SF3B3: variants seen among roughly 807,000 people sequenced by gnomAD.
SF3B3 encodes the protein SAP 130.
Under a neutral mutation model 139.2 loss-of-function variants are expected in SF3B3, and 33 were observed. The observed-to-expected ratio is 0.24, with a 90% confidence interval of 0.18 to 0.32. The LOEUF is 0.32. SF3B3 is among the 10% of genes least tolerant of loss of function. The probability of loss-of-function intolerance (pLI) is 1.00; values close to 1 mark genes in which losing one functional copy is unlikely to be tolerated. For missense variants in SF3B3, 818 were observed against 1,509.4 expected, an observed-to-expected ratio of 0.54 and a Z score of 7.59; for synonymous variants, 596 against 563.6, an observed-to-expected ratio of 1.06 and a Z score of -0.81.
chr16:70,559,924 G>C (rs563786762), intron 15 of SF3B3, among the ~76,000 whole-genome samples: 1 of 151,924 alleles, frequency 6.6e-6, no homozygotes, highest in Admixed American at 6.6e-5. Flanking sequence ...AGGGGTGCGG[G>C]GGGGTGGTAA....
At chr16:70,553,283 C>T (rs1433075323) in intron 11 of SF3B3, among the ~76,000 whole-genome samples, 1 of 152,064 alleles carries the variant, frequency 6.6e-6, no homozygotes, top group Non-Finnish European at 1.5e-5. Flanking sequence ...CAGAACTGAT[C>T]TAGTAACCTT....
At chr16:70,567,567 A>T in intron 21 of SF3B3, 31 bp downstream of exon 21, 1 of 1,603,922 alleles carries the variant, frequency 6.2e-7, no homozygotes, top group Admixed American at 1.7e-5. Flanking sequence ...GCTGAGATCT[A>T]GCTCATGTGT....
intron 11 of SF3B3, 151 bp downstream of exon 11, chr16:70,548,593 C>G: frequency 3.1e-6 from 2 of 635,824 alleles, no homozygotes; most frequent in Non-Finnish European, 5.5e-6. Context: ...TGAGGCTCTT[C>G]CGTTCAGGAT....
At chr16:70,562,305 G>A (rs6499321) in intron 17 of SF3B3, among the ~76,000 whole-genome samples, 72,701 of 151,972 alleles carry the variant, frequency 0.48, 17,850 homozygotes, top group South Asian at 0.66. Context: ...GGCTTCCTCA[G>A]GTTTTGGGGG....
intron 5 of SF3B3, among the ~76,000 whole-genome samples, chr16:70,534,913 C>T (rs573166693): frequency 6.6e-6 from 1 of 152,138 alleles, no homozygotes; most frequent in Non-Finnish European, 1.5e-5. Flanking sequence ...AGGTGATCTG[C>T]CTTTGGTCTC....
chr16:70,534,263 A>G (rs1229843927), intron 5 of SF3B3, among the ~76,000 whole-genome samples: 2 of 152,196 alleles, frequency 1.3e-5, no homozygotes, highest in Non-Finnish European at 1.5e-5. Flanking sequence ...AAGAAATAAC[A>G]TGGTCCATTC....
chr16:70,541,557 TAAC>T (rs1449310743), intron 8 of SF3B3, 109 bp from the exon 9 acceptor site: 16 of 838,200 alleles, frequency 1.9e-5, no homozygotes, highest in Non-Finnish European at 3.0e-5. Flanking sequence ...CTAAAAATAA[TAAC>T]AATAGTATCT....
In SF3B3 at chr16:70,532,246, C is replaced by T. The variant is rs139951565; in HGVS notation, c.571-233C>T. Among the ~76,000 whole-genome samples, 899 of 150,444 alleles carry T rather than the reference C, an allele frequency of 6.0e-3. 8 individuals are homozygous for T. The highest frequency in any genetic ancestry group is 0.021 in the African/African-American group (839 of 40,660). ...GGTGGAGGTTGTGGTGAGCTGAGAT[C>T]GTGCCATTGCACTCCAGCCTGGGCA... On this transcript the variant is annotated intron_variant, in intron 4 of 25. Coordinates refer to ENST00000302516, the MANE Select transcript of SF3B3 (RefSeq NM_012426.5).
In SF3B3 at chr16:70,544,495, C is replaced by T. The variant is rs1275165584; in HGVS notation, c.1291C>T (p.Pro431Ser). 1.9e-6 allele frequency: 3 copies of T among 1,611,854 alleles called. No individual in the cohort carries two copies. The highest frequency in any genetic ancestry group is 2.2e-5 in the East Asian group (1 of 44,890). ...GTTGTATGTGGCCTGTGGTAGGGGA[C>T]CCCGATCATCTCTGAGAGTCCTAAG... ...PQLYVACGRG[P>S]RSSLRVLRHG... The change falls in exon 10 of 26, where the codon CCC becomes TCC. Residue 431 changes from proline (P) to serine (S), a missense_variant. Coordinates refer to ENST00000302516, the MANE Select transcript of SF3B3 (RefSeq NM_012426.5).
At chr16:70,532,777 A>AT (rs569634121) in intron 5 of SF3B3, among the ~76,000 whole-genome samples, 157 bp downstream of exon 5, 1 of 152,206 alleles carries the variant, frequency 6.6e-6, no homozygotes, top group Non-Finnish European at 1.5e-5. Context: ...TGGTGGAGTG[A>AT]TTTTAAAAAG....
At chr16:70,558,308 G>T (rs766962681) in intron 15 of SF3B3, among the ~76,000 whole-genome samples, 1 of 151,386 alleles carries the variant, frequency 6.6e-6, no homozygotes, top group Non-Finnish European at 1.5e-5. Flanking sequence ...TAGAGATAGG[G>T]TCTCGCTGTG....
At chr16:70,543,233 C>T (rs2050236318) in intron 9 of SF3B3, among the ~76,000 whole-genome samples, 1 of 150,318 alleles carries the variant, frequency 6.7e-6, no homozygotes, top group African/African-American at 2.5e-5. Context: ...CATGGAGAAA[C>T]CCTGTCTCTA....
chr16:70,574,427 C>G lies in SF3B3; in HGVS notation c.*2614C>G, dbSNP rs1321455568. The G allele has an allele frequency of 6.6e-6, 1 of 152,234 alleles. No individual in the cohort carries two copies. The highest frequency in any genetic ancestry group is 6.6e-5 in the Admixed American group (1 of 15,266). 9.4% of individuals were successfully genotyped at this position (152,234 alleles called of 1,614,324 possible). On this transcript the variant is annotated 3_prime_UTR_variant, in exon 26 of 26. Coordinates refer to ENST00000302516, the MANE Select transcript of SF3B3 (RefSeq NM_012426.5). ...CGAACTCCTGACCTCAAAAAATCTTCCTGCCTTGGCCTCCCAAAGCACTGG... is the reference window on the plus strand; with the variant it reads ...CGAACTCCTGACCTCAAAAAATCTTGCTGCCTTGGCCTCCCAAAGCACTGG...
chr16:70,534,792 C>A (rs2050150956), intron 5 of SF3B3, among the ~76,000 whole-genome samples: 1 of 152,170 alleles, frequency 6.6e-6, no homozygotes, highest in African/African-American at 2.4e-5. Flanking sequence ...CCTCAGCCTC[C>A]CGAGTAGCTG....
intron 24 of SF3B3, 141 bp downstream of exon 24, chr16:70,570,290 A>T: frequency 1.4e-6 from 1 of 702,664 alleles, no homozygotes; most frequent in Non-Finnish European, 2.2e-6. Context: ...GTACTTGGGG[A>T]GATAGGAATC....
At chr16:70,535,926 A>T (rs1452394940) in intron 6 of SF3B3, among the ~76,000 whole-genome samples, 1 of 152,138 alleles carries the variant, frequency 6.6e-6, no homozygotes, top group Non-Finnish European at 1.5e-5. Flanking sequence ...GCAATTTGAA[A>T]AGAAGTTACA....
At chr16:70,550,029 A>G (rs545259239) in intron 11 of SF3B3, among the ~76,000 whole-genome samples, 1 of 152,168 alleles carries the variant, frequency 6.6e-6, no homozygotes. Flanking sequence ...GACACAGTCT[A>G]GGTAATGGGG....
At chr16:70,559,445 G>A (rs1044437717) in intron 15 of SF3B3, among the ~76,000 whole-genome samples, 1 of 152,138 alleles carries the variant, frequency 6.6e-6, no homozygotes, top group South Asian at 2.1e-4. Flanking sequence ...CCAGCGCTTT[G>A]CGAGGCTGAG....
chr16:70,530,181 ATGGG>A (rs2050107754), intron 3 of SF3B3, among the ~76,000 whole-genome samples: 2 of 151,604 alleles, frequency 1.3e-5, no homozygotes, highest in African/African-American at 4.8e-5. Context: ...TAAGAGAGAG[ATGGG>A]GATCTCACAA....
Sources: allele counts gnomAD v4.1 joint callset (sites outside exome capture counted in the v4.1 genomes callset), GRCh38; gene constraint gnomAD v4.1.1; transcripts MANE v1.5; gene names NCBI Gene and HGNC (gene_info 2026-07-23, HGNC 2026-07-21).